Variants in ENDOG observed in about 807,000 individuals in gnomAD.
ENDOG encodes endonuclease G.
ENDOG carries 22 observed loss-of-function variants against 22.6 expected under a neutral mutation model. That is an observed-to-expected ratio of 0.97 (90% CI 0.70 to 1.39). The LOEUF (loss-of-function observed/expected upper bound fraction) is 1.39. Among genes scored for constraint, ENDOG ranks in the 40% most tolerant of loss-of-function variants. The pLI, the probability that ENDOG is intolerant of heterozygous loss-of-function variation, is 0.00. For missense variants in ENDOG, 403 were observed against 431.3 expected (o/e 0.93, Z 0.58); for synonymous variants, 173 against 200.2 (o/e 0.86, Z 1.15).
chr9:128,820,938 G>C (rs1273044275), intron 2 of ENDOG, 90 bp downstream of exon 2: 6 of 1,185,476 alleles, frequency 5.1e-6, no homozygotes, highest in Non-Finnish European at 7.3e-6. Context: ...CCAGGCTCTG[G>C]GTCAATACCA....
Position 128,818,845 on chromosome 9 carries a change from TGCCCGGGGGACCCCGCG to T in ENDOG, c.169_185del (p.Gly57ArgfsTer121). 3.6e-6 allele frequency: 5 copies of T among 1,380,076 alleles called. No individual in the cohort carries two copies. Among genetic ancestry groups the T allele is most frequent in the Non-Finnish European group, 4.7e-6 (5 of 1,073,186 alleles). The allele number at this position is 1,380,076 out of a possible 1,614,324, so 85.5% of individuals were successfully genotyped here. A position where few individuals can be genotyped will look rare whatever the true frequency, so the allele number is the denominator to read the frequency against. ...GCGGCGGCAGCCGAGTTGCCCCCTGTGCCCGGGGGACCCCGCGGCCCGGGCGAGCTGGCCAAGTACGG... is the reference window on the plus strand; with the variant it reads ...GCGGCGGCAGCCGAGTTGCCCCCTGTGCCCGGGCGAGCTGGCCAAGTACGG... On this transcript the variant is annotated frameshift_variant, in exon 1 of 3. Transcript: ENST00000372642. LOFTEE classifies it high-confidence loss of function.
In ENDOG at chr9:128,818,839, C is replaced by T; in HGVS notation, c.155C>T (p.Pro52Leu). ...VLPVAAAAEL[P>L]PVPGGPRGPG... is the part of the protein sequence containing the mutation. ...CCCGTGGCGGCGGCAGCCGAGTTGC[C>T]CCCTGTGCCCGGGGGACCCCGCGGC... The change falls in exon 1 of 3, where the codon CCC becomes CTC. Residue 52 changes from proline to leucine, a missense_variant. Coordinates refer to ENST00000372642, the MANE Select transcript of ENDOG (RefSeq NM_004435.2). 1 of 1,349,478 alleles carries T rather than the reference C, an allele frequency of 7.4e-7. No individual in the cohort carries two copies. Among genetic ancestry groups the T allele is most frequent in the South Asian group, 1.8e-5 (1 of 55,862 alleles). 83.6% of individuals were successfully genotyped at this position (1,349,478 alleles called of 1,614,324 possible).
At chr9:128,821,907 A>T (rs1039742830) in intron 2 of ENDOG, 5 of 202,648 alleles carry the variant, frequency 2.5e-5, no homozygotes, top group African/African-American at 1.2e-4. Flanking sequence ...GGAAGGGAGG[A>T]GACTCTGCTG....
chr9:128,820,937 G>C lies in ENDOG; in HGVS notation c.611+89G>C. The C allele has an allele frequency of 5.0e-6, 6 of 1,208,254 alleles. No individual in the cohort carries two copies. The South Asian group carries it at 7.8e-5, about 16-fold the overall frequency. 74.8% of individuals were successfully genotyped at this position (1,208,254 alleles called of 1,614,324 possible). A position where few individuals can be genotyped will look rare whatever the true frequency, so the allele number is the denominator to read the frequency against. ...CAGGGCCAGGCTTGCCCCAGGCTCT[G>C]GGTCAATACCAGTTCCCTACTCATC... On this transcript the variant is annotated intron_variant, in intron 2 of 2. Transcript: ENST00000372642.
intron 1 of ENDOG, chr9:128,820,431 C>T (rs892063031): frequency 3.0e-6 from 1 of 328,388 alleles, no homozygotes. Context: ...CCAGGAGACC[C>T]TGGGTGGGGC....
intron 1 of ENDOG, 72 bp from the exon 2 acceptor site, chr9:128,820,667 C>A: frequency 7.5e-7 from 1 of 1,325,440 alleles, no homozygotes; most frequent in Non-Finnish European, 1.1e-6. Flanking sequence ...CCCCTCAGGA[C>A]CTGGGGCGGC....
chr9:128,819,236 C>T (rs777343841), intron 1 of ENDOG, 51 bp downstream of exon 1: 1 of 1,406,946 alleles, frequency 7.1e-7, no homozygotes, highest in South Asian at 1.5e-5. Flanking sequence ...GGCGCCTGGC[C>T]TCGCGGGGCC....
intron 2 of ENDOG, chr9:128,822,077 A>G: frequency 1.8e-6 from 1 of 555,796 alleles, no homozygotes; most frequent in Non-Finnish European, 3.2e-6. Flanking sequence ...CGATTCTCCT[A>G]GCAGCGTTTA....
chr9:128,822,282 G>T (rs1281478363), intron 2 of ENDOG, 46 bp from the exon 3 acceptor site: 2 of 1,590,580 alleles, frequency 1.3e-6, no homozygotes, highest in South Asian at 2.3e-5. Flanking sequence ...GGTGGCTTTG[G>T]GTTCATCCAG....
At chr9:128,819,219 C>A (rs2977997) in intron 1 of ENDOG, 34 bp downstream of exon 1, 1 of 1,428,034 alleles carries the variant, frequency 7.0e-7, no homozygotes, top group Non-Finnish European at 9.1e-7. Context: ...TCGCGGAATG[C>A]GGGGCCGGCG....
chr9:128,822,189 G>A, intron 2 of ENDOG, 139 bp from the exon 3 acceptor site: 1 of 996,098 alleles, frequency 1.0e-6, no homozygotes, highest in Non-Finnish European at 1.4e-6. Context: ...GAGCCAGGCA[G>A]GCTACAGAAG....
At chr9:128,821,839 A>G (rs1407802148) in intron 2 of ENDOG, 1 of 176,418 alleles carries the variant, frequency 5.7e-6, no homozygotes, top group Non-Finnish European at 1.2e-5. Flanking sequence ...TAGGCTGGCC[A>G]AGGCGGTGGT....
chr9:128,820,528 C>T (rs1830089439), intron 1 of ENDOG: 2 of 569,876 alleles, frequency 3.5e-6, no homozygotes, highest in Non-Finnish European at 6.3e-6. Context: ...ACTTTGACAC[C>T]TGGGCTGTGG....
At chr9:128,820,551 G>A (rs745414677) in intron 1 of ENDOG, 188 bp from the exon 2 acceptor site, 51 of 594,172 alleles carry the variant, frequency 8.6e-5, no homozygotes, top group Non-Finnish European at 1.4e-4. Flanking sequence ...GGGACAGAGG[G>A]TGGTGGCTAG....
chr9:128,819,616 TG>T (rs1830065739), intron 1 of ENDOG: 1 of 178,746 alleles, frequency 5.6e-6, no homozygotes, highest in African/African-American at 2.4e-5. Context: ...CACGGCTTGG[TG>T]GGTGAGGGCG....
Position 128,822,353 on chromosome 9 carries a change from G to A in ENDOG, c.637G>A (p.Val213Ile), listed in dbSNP as rs1440939214. The A allele has an allele frequency of 6.8e-6, 11 of 1,613,738 alleles. No individual in the cohort carries two copies. The highest frequency in any genetic ancestry group is 4.0e-5 in the African/African-American group (3 of 74,934). ...PRTEADGKSY[V>I]KYQVIGKNHV... is the part of the protein sequence containing the mutation. Reference sequence around the variant, plus strand: ...GACAGAGGCTGATGGGAAATCCTACGTAAAGTACCAGGTCATCGGCAAGAA... The same window carrying A: ...GACAGAGGCTGATGGGAAATCCTACATAAAGTACCAGGTCATCGGCAAGAA... Residue 213 changes from valine to isoleucine, a missense_variant, in exon 3 of 3, where the codon GTA (valine) becomes ATA (isoleucine). Coordinates refer to ENST00000372642, the MANE Select transcript of ENDOG (RefSeq NM_004435.2).
rs543919689 is a variant in ENDOG, at chr9:128,822,590, A to G, written c.874A>G (p.Ile292Val). Residue 292 changes from isoleucine (I) to valine (V), a missense_variant, in exon 3 of 3, where the codon ATC becomes GTC. Transcript: ENST00000372642. Reference sequence around the variant, plus strand: ...GGCGCGGGCAGGCAGCCTCAAGGCCATCACGGCGGGCAGTAAGTGAGGGTG... The same window carrying G: ...GGCGCGGGCAGGCAGCCTCAAGGCCGTCACGGCGGGCAGTAAGTGAGGGTG... Reference protein sequence around the residue: ...ILARAGSLKAITAGSK With the variant: ...ILARAGSLKAVTAGSK 1.9e-6 allele frequency: 3 copies of G among 1,569,888 alleles called. No homozygotes were observed. The highest frequency in any genetic ancestry group is 2.3e-5 in the East Asian group (1 of 43,156).
chr9:128,820,391 A>C, intron 1 of ENDOG: 1 of 234,006 alleles, frequency 4.3e-6, no homozygotes, highest in East Asian at 9.9e-5. Flanking sequence ...GGGAAAAGGA[A>C]CGGGTTGGTA....
Position 128,819,081 on chromosome 9 carries a change from C to T in ENDOG, c.397C>T (p.Arg133Cys), listed in dbSNP as rs761924792. The change falls in exon 1 of 3, where the codon CGC becomes TGC. Residue 133 changes from arginine to cysteine, a missense_variant. Physicochemically the swap from Arg to Cys is radical, Grantham distance 180 (BLOSUM62 -3). Coordinates refer to ENST00000372642, the MANE Select transcript of ENDOG (RefSeq NM_004435.2). ...AYHRATNADYRGSGFDRGHLA... is the reference protein window; with the variant it reads ...AYHRATNADYCGSGFDRGHLA... ...CCACCGTGCCACCAACGCCGACTAC[C>T]GCGGCAGTGGCTTCGACCGCGGTCA... The T allele has an allele frequency of 5.9e-6, 9 of 1,518,036 alleles. No individual in the cohort carries two copies. In the South Asian group the frequency reaches 8.5e-5, roughly 14 times the overall value. 94.0% of individuals were successfully genotyped at this position (1,518,036 alleles called of 1,614,324 possible). A position where few individuals can be genotyped will look rare whatever the true frequency, so the allele number is the denominator to read the frequency against.
Sources: allele counts gnomAD v4.1 joint callset, GRCh38; gene constraint gnomAD v4.1.1; transcripts MANE v1.5; gene names NCBI Gene and HGNC (gene_info 2026-07-23, HGNC 2026-07-21).